EPM2A: variants seen among roughly 807,000 people sequenced by gnomAD.
EPM2A encodes EPM2A glucan phosphatase, laforin.
EPM2A carries 21 observed loss-of-function variants against 26.5 expected under a neutral mutation model. The ratio of observed to expected loss-of-function variants is 0.79; its 90% CI spans 0.56 to 1.14. The LOEUF is 1.14. Ranked by LOEUF, EPM2A falls within the 50% of genes most tolerant of loss-of-function variation. The pLI is 0.00. For missense variants in EPM2A, 458 were observed against 440.8 expected (o/e 1.04, Z -0.35); for synonymous variants, 217 against 177.6 (o/e 1.22, Z -1.76).
chr6:145,520,860 A>T (rs1286623938), intron 2 of EPM2A, among the ~76,000 whole-genome samples: 1 of 152,232 alleles, frequency 6.6e-6, no homozygotes, highest in Non-Finnish European at 1.5e-5. Context: ...GGTTAATCAA[A>T]GACTTAAAAG....
chr6:145,690,487 G>A (rs376837347), intron 1 of EPM2A, among the ~76,000 whole-genome samples: 8 of 138,962 alleles, frequency 5.8e-5, no homozygotes, highest in African/African-American at 1.3e-4. Flanking sequence ...TCCGCAGTCC[G>A]GCCTGGGCGA....
At chr6:145,734,796 G>A (rs80292977) in intron 1 of EPM2A, 5 of 153,578 alleles carry the variant, frequency 3.3e-5, no homozygotes, top group African/African-American at 1.2e-4. Flanking sequence ...ACCCGCGAAG[G>A]GGGGGACTCG....
chr6:145,672,025 T>C (rs534515099), intron 2 of EPM2A, among the ~76,000 whole-genome samples: 6 of 152,338 alleles, frequency 3.9e-5, no homozygotes, highest in East Asian at 1.9e-4. Flanking sequence ...AATGCAAATA[T>C]CCATTCTTTT....
intron 2 of EPM2A, among the ~76,000 whole-genome samples, chr6:145,654,194 AT>A (rs55978408): frequency 2.1e-3 from 312 of 148,188 alleles, no homozygotes; most frequent in African/African-American, 5.4e-3. Flanking sequence ...AGACTATGCA[AT>A]TTTTTTTTTT....
chr6:145,628,097 T>G, intron 3 of EPM2A: 1 of 232,260 alleles, frequency 4.3e-6, no homozygotes, highest in Non-Finnish European at 8.5e-6. Flanking sequence ...CCACCTGAAT[T>G]TCAGTAAATC....
intron 2 of EPM2A, among the ~76,000 whole-genome samples, chr6:145,553,443 A>G (rs902449276): frequency 1.3e-5 from 2 of 152,030 alleles, no homozygotes; most frequent in African/African-American, 4.8e-5. Context: ...TAAGGCAACT[A>G]GTCTTGTATT....
chr6:145,716,776 C>T (rs1314371463), intron 1 of EPM2A, among the ~76,000 whole-genome samples: 4 of 152,144 alleles, frequency 2.6e-5, no homozygotes, highest in Non-Finnish European at 5.9e-5. Flanking sequence ...TGGCTCTTTC[C>T]TTGCCATTTT....
chr6:145,683,268 GGTGTGTGTGT>G (rs35326843), intron 2 of EPM2A, among the ~76,000 whole-genome samples: 21 of 134,006 alleles, frequency 1.6e-4, no homozygotes, highest in East Asian at 1.3e-3. Context: ...CCCAGGATTT[GGTGTGTGTGT>G]GTGTGTGTGT....
chr6:145,461,823 T>C (rs1216003168), intron 4 of EPM2A, among the ~76,000 whole-genome samples: 1 of 152,140 alleles, frequency 6.6e-6, no homozygotes, highest in Non-Finnish European at 1.5e-5. Context: ...GGGACAATAA[T>C]TTCAGAGGGA....
At chr6:145,538,837 T>C in intron 2 of EPM2A, among the ~76,000 whole-genome samples, 1 of 152,216 alleles carries the variant, frequency 6.6e-6, no homozygotes, top group Admixed American at 6.5e-5. Flanking sequence ...CACACAATCA[T>C]ATGGCACATA....
At chr6:145,394,891 G>A (rs557992398) in intron 4 of EPM2A, among the ~76,000 whole-genome samples, 3 of 152,222 alleles carry the variant, frequency 2.0e-5, no homozygotes, top group South Asian at 4.2e-4. Flanking sequence ...TCGACTTATA[G>A]GATATAAGCT....
intron 2 of EPM2A, among the ~76,000 whole-genome samples, chr6:145,503,615 C>T (rs4896816): frequency 0.017 from 1,626 of 93,936 alleles, 31 homozygotes; most frequent in Admixed American, 0.031. Context: ...AATGGAAGAA[C>T]ATTCCATGCT....
chr6:145,446,179 C>G (rs1391427489), intron 4 of EPM2A, among the ~76,000 whole-genome samples: 1 of 152,138 alleles, frequency 6.6e-6, no homozygotes, highest in Non-Finnish European at 1.5e-5. Context: ...GTAACTGCAA[C>G]CATATAAAAG....
intron 4 of EPM2A, among the ~76,000 whole-genome samples, chr6:145,406,004 A>T (rs1369567709): frequency 6.6e-6 from 1 of 150,780 alleles, no homozygotes; most frequent in Non-Finnish European, 1.5e-5. Context: ...ACACACACAC[A>T]CACACACACA....
chr6:145,554,264 G>A (rs1206576195), intron 2 of EPM2A, among the ~76,000 whole-genome samples: 1 of 151,958 alleles, frequency 6.6e-6, no homozygotes, highest in African/African-American at 2.4e-5. Flanking sequence ...GTAATTTAAA[G>A]TATGGACCTC....
chr6:145,717,927 C>G (rs1308492764), intron 1 of EPM2A, among the ~76,000 whole-genome samples: 3 of 151,626 alleles, frequency 2.0e-5, no homozygotes, highest in Non-Finnish European at 4.4e-5. Flanking sequence ...TGAAGGACCT[C>G]TTCAAGGAGA....
Position 145,422,238 on chromosome 6 carries a change from T to A in EPM2A, c.556-38141A>T, listed in dbSNP as rs780356512. Among the ~76,000 whole-genome samples the A allele has an allele frequency of 1.3e-3, 195 of 146,854 alleles. 1 individual carries two copies. Among genetic ancestry groups the A allele is most frequent in the Middle Eastern group, 4.2e-3 (1 of 236 alleles). On this transcript the variant is annotated intron_variant, in intron 4 of 4. Coordinates refer to the EPM2A transcript ENST00000638717. Reference sequence around the variant, plus strand: ...TCTCATACAAATCTATATATTTGTATACATGATATATAAATATAACTATAT... The same window carrying A: ...TCTCATACAAATCTATATATTTGTAAACATGATATATAAATATAACTATAT...
In EPM2A at chr6:145,652,728, T is replaced by C. The variant is rs1055417696; in HGVS notation, c.477-17242A>G. ...CATGAACTTCTATTACCTTACTTAATCTACAAGCAGAAACACAGGCGTGGA... is the reference window on the plus strand; with the variant it reads ...CATGAACTTCTATTACCTTACTTAACCTACAAGCAGAAACACAGGCGTGGA... On this transcript the variant is annotated intron_variant, in intron 2 of 3. Coordinates refer to ENST00000367519, the MANE Select transcript of EPM2A (RefSeq NM_005670.4). Among the ~76,000 whole-genome samples, 24 of 151,758 alleles carry C rather than the reference T, an allele frequency of 1.6e-4. 1 individual carries two copies. The highest frequency in any genetic ancestry group is 4.2e-4 in the South Asian group (2 of 4,812).
chr6:145,649,377 T>C (rs2128576505), intron 2 of EPM2A, among the ~76,000 whole-genome samples: 1 of 152,342 alleles, frequency 6.6e-6, no homozygotes, highest in East Asian at 1.9e-4. Context: ...TAAAAGCATT[T>C]AGAATGGTTC....
Sources: allele counts gnomAD v4.1 joint callset (sites outside exome capture counted in the v4.1 genomes callset), GRCh38; gene constraint gnomAD v4.1.1; transcripts MANE v1.5; gene names NCBI Gene and HGNC (gene_info 2026-07-23, HGNC 2026-07-21).